Variants in RAB8B observed in about 807,000 individuals in gnomAD.
The protein encoded by RAB8B is RAB8B, member RAS oncogene family.
RAB8B carries 11 observed loss-of-function variants against 32.0 expected under a neutral mutation model. The ratio of observed to expected loss-of-function variants is 0.34; its 90% confidence interval spans 0.22 to 0.57. The LOEUF is 0.57. Ranked by LOEUF, RAB8B falls within the 20% of genes least tolerant of loss-of-function variation. The pLI is 0.86. For missense variants in RAB8B, 190 were observed against 258.5 expected, an observed-to-expected ratio of 0.73 and a Z score of 1.82; for synonymous variants, 103 against 89.6, an observed-to-expected ratio of 1.15 and a Z score of -0.85.
intron 7 of RAB8B, 147 bp from the exon 8 acceptor site, chr15:63,263,380 C>T (rs926770198): frequency 1.3e-5 from 8 of 611,830 alleles, no homozygotes; most frequent in African/African-American, 1.1e-4. Flanking sequence ...TTAACTAGTT[C>T]CCGTTCTAAT....
chr15:63,199,899 G>A (rs993902251), intron 1 of RAB8B, among the ~76,000 whole-genome samples: 1 of 152,064 alleles, frequency 6.6e-6, no homozygotes, highest in African/African-American at 2.4e-5. Flanking sequence ...ACTTTGATAA[G>A]CACTATTACA....
intron 1 of RAB8B, among the ~76,000 whole-genome samples, chr15:63,192,620 G>A (rs1001486569): frequency 2.0e-5 from 3 of 152,196 alleles, no homozygotes; most frequent in African/African-American, 7.2e-5. Context: ...TTCTTCCCAT[G>A]AAGATACATT....
At chr15:63,242,402 G>T (rs547640984) in intron 1 of RAB8B, among the ~76,000 whole-genome samples, 1 of 152,150 alleles carries the variant, frequency 6.6e-6, no homozygotes, top group East Asian at 1.9e-4. Flanking sequence ...GGAGTTGGCT[G>T]GGTGGCTCAC....
chr15:63,230,884 A>G (rs1246886890), intron 1 of RAB8B, among the ~76,000 whole-genome samples: 1 of 152,000 alleles, frequency 6.6e-6, no homozygotes, highest in Non-Finnish European at 1.5e-5. Context: ...ATTTAATTTA[A>G]TTTGTAGAGA....
At chr15:63,233,808 T>C (rs1369465455) in intron 1 of RAB8B, among the ~76,000 whole-genome samples, 1 of 152,212 alleles carries the variant, frequency 6.6e-6, no homozygotes. Flanking sequence ...GTCCTGTTTT[T>C]TTTTCCTTTT....
chr15:63,209,300 C>G (rs1595735861), intron 1 of RAB8B, among the ~76,000 whole-genome samples: 2 of 151,518 alleles, frequency 1.3e-5, no homozygotes, highest in African/African-American at 4.8e-5. Flanking sequence ...TTATGAAATA[C>G]TTTGATGAGG....
rs1486966818 is a variant in RAB8B at position 63,235,496 on chromosome 15, C to G, written c.125-9260C>G. On this transcript the variant is annotated intron_variant, in intron 1 of 7. Coordinates refer to ENST00000321437, the MANE Select transcript of RAB8B (RefSeq NM_016530.3). ...TAGCTAATATAAGACATTCTCATGT[C>G]CATGTACCCACCACTCAATTTTAGA... Among the ~76,000 whole-genome samples the G allele has an allele frequency of 3.3e-5, 5 of 152,100 alleles. No homozygotes were observed. The East Asian group carries it at 7.7e-4, about 23-fold the overall frequency.
chr15:63,194,329 A>G (rs543404565), intron 1 of RAB8B, among the ~76,000 whole-genome samples: 17 of 152,356 alleles, frequency 1.1e-4, no homozygotes, highest in Non-Finnish European at 1.8e-4. Context: ...CCTAATCAGT[A>G]TGATTATCCC....
At chr15:63,246,876 C>G (rs1475817193) in intron 2 of RAB8B, among the ~76,000 whole-genome samples, 1 of 152,142 alleles carries the variant, frequency 6.6e-6, no homozygotes, top group African/African-American at 2.4e-5. Flanking sequence ...CATTAGCGCA[C>G]AAAAAGAACT....
Position 63,266,616 on chromosome 15 carries a change from GTT to G in RAB8B, c.*3000_*3001del, listed in dbSNP as rs1483783697. On this transcript the variant is annotated 3_prime_UTR_variant, in exon 8 of 8. Transcript: ENST00000321437. The stretch of plus-strand genomic sequence containing the variant: ...GCATCTAACAAAATTTAGACTCTTT[GTT>G]TTGTTTTGAACTGAAGACATCATTG... 2 of 152,490 alleles carry G rather than the reference GTT, an allele frequency of 1.3e-5. No homozygotes were observed. Among genetic ancestry groups the G allele is most frequent in the African/African-American group, 4.8e-5 (2 of 41,408 alleles). The allele number at this position is 152,490 out of a possible 1,614,324, so 9.4% of individuals were successfully genotyped here. A position where few individuals can be genotyped will look rare whatever the true frequency, so the allele number is the denominator to read the frequency against.
chr15:63,237,527 A>T (rs1357469304), intron 1 of RAB8B, among the ~76,000 whole-genome samples: 1 of 152,110 alleles, frequency 6.6e-6, no homozygotes, highest in African/African-American at 2.4e-5. Flanking sequence ...TGCCATTTGT[A>T]TGTCTTTTGA....
chr15:63,233,206 C>T (rs1232159575), intron 1 of RAB8B, among the ~76,000 whole-genome samples: 3 of 151,486 alleles, frequency 2.0e-5, no homozygotes, highest in Non-Finnish European at 4.4e-5. Context: ...ACCACAGGCA[C>T]GTGCCACCAC....
Position 63,259,811 on chromosome 15 carries a change from A to G in RAB8B, c.480+119A>G, listed in dbSNP as rs1428695914. The G allele has an allele frequency of 2.0e-5, 17 of 855,056 alleles. No homozygotes were observed. Among genetic ancestry groups the G allele is most frequent in the East Asian group, 2.7e-5 (1 of 36,570 alleles). 53.0% of individuals were successfully genotyped at this position (855,056 alleles called of 1,614,324 possible). A position where few individuals can be genotyped will look rare whatever the true frequency, so the allele number is the denominator to read the frequency against. ...CTAATGAATGCCTTTTGTTGACCCA[A>G]CTCTACTTTGTACACTTTTGTGCTT... On this transcript the variant is annotated intron_variant, in intron 6 of 7. Coordinates refer to ENST00000321437, the MANE Select transcript of RAB8B (RefSeq NM_016530.3). This position sits in a 1 kb window ranked among gnomAD's most constrained non-coding sequence, Gnocchi z 4.4.
chr15:63,261,925 C>T (rs941529303), intron 6 of RAB8B, among the ~76,000 whole-genome samples: 23 of 152,094 alleles, frequency 1.5e-4, no homozygotes, highest in African/African-American at 3.9e-4. Context: ...TAAATTATCA[C>T]GAAGATTAAT....
chr15:63,244,778 G>A lies in RAB8B; in HGVS notation c.147G>A (p.Thr49=), dbSNP rs1343861171. The A allele has an allele frequency of 5.7e-6, 9 of 1,580,248 alleles. No homozygotes were observed. Among genetic ancestry groups the A allele is most frequent in the East Asian group, 2.2e-5 (1 of 44,590 alleles). Residue 49 remains threonine (T), a synonymous_variant, in exon 2 of 8, where the codon ACG becomes ACA. Transcript: ENST00000321437. ...CAGGAATTGATTTTAAAATTAGAAC[G>A]ATAGAACTAGATGGAAAGAAAATTA... ...STIGIDFKIR[T]IELDGKKIKL...
chr15:63,223,413 A>G (rs2037861119), intron 1 of RAB8B, among the ~76,000 whole-genome samples: 1 of 152,106 alleles, frequency 6.6e-6, no homozygotes, highest in Non-Finnish European at 1.5e-5. Flanking sequence ...CCCAGCCACC[A>G]TTTTTTATCT....
chr15:63,189,851 C>T (rs2037539197), intron 1 of RAB8B, 103 bp downstream of exon 1: 3 of 1,290,600 alleles, frequency 2.3e-6, no homozygotes, highest in Non-Finnish European at 3.1e-6. Flanking sequence ...GAGAGGAGAC[C>T]CCGGGGACTG....
chr15:63,257,262 CTTTT>C (rs554753766), intron 5 of RAB8B, among the ~76,000 whole-genome samples: 1 of 139,506 alleles, frequency 7.2e-6, no homozygotes, highest in Admixed American at 7.1e-5. Flanking sequence ...ATTTTCTTTT[CTTTT>C]TTTTTTTTTT....
intron 1 of RAB8B, among the ~76,000 whole-genome samples, chr15:63,235,087 C>T (rs1007385448): frequency 3.3e-5 from 5 of 152,148 alleles, no homozygotes; most frequent in Admixed American, 3.3e-4. Context: ...GGAAATCTGA[C>T]ATGTGAAGGC....
Sources: gnomAD v4.1 joint callset for allele counts (sites outside exome capture counted in the v4.1 genomes callset) on GRCh38, gnomAD v4.1.1 for gene constraint, Gnocchi (gnomAD v3.1) non-coding constraint, MANE v1.5 for transcripts, NCBI Gene and HGNC (gene_info 2026-07-23, HGNC 2026-07-21) for gene names.